Variants in ANKIB1 observed in about 807,000 individuals in gnomAD.
The protein encoded by ANKIB1 is ankyrin repeat and IBR domain containing 1, also known as ankyrin repeat and IBR domain-containing protein 1.
Under a neutral mutation model 122.1 loss-of-function variants are expected in ANKIB1, and 43 were observed. That is an observed-to-expected ratio of 0.35 (90% CI 0.28 to 0.45). The LOEUF (loss-of-function observed/expected upper bound fraction) is 0.45, where lower values mean the gene tolerates loss of function less well. Among genes scored for constraint, ANKIB1 ranks in the 20% least tolerant of loss-of-function variants. The probability of loss-of-function intolerance (pLI) is 1.00; values close to 1 mark genes in which losing one functional copy is unlikely to be tolerated. For missense variants in ANKIB1, 992 were observed against 1,329.5 expected (o/e 0.75, Z 3.95); for synonymous variants, 390 against 442.0 (o/e 0.88, Z 1.48).
intron 1 of ANKIB1, among the ~76,000 whole-genome samples, chr7:92,292,436 T>C (rs747396420): frequency 6.6e-6 from 1 of 152,166 alleles, no homozygotes; most frequent in Non-Finnish European, 1.5e-5. Context: ...TTCTTAGATA[T>C]TTCTTTTTTT....
chr7:92,386,709 ATTTCTT>A, intron 12 of ANKIB1, 66 bp downstream of exon 12: 3 of 1,346,396 alleles, frequency 2.2e-6, no homozygotes, highest in Non-Finnish European at 2.9e-6. Flanking sequence ...ATTATTTTGT[ATTTCTT>A]TTTCTATTTT....
At chr7:92,276,087 C>A (rs1300022025) in intron 1 of ANKIB1, among the ~76,000 whole-genome samples, 2 of 152,068 alleles carry the variant, frequency 1.3e-5, no homozygotes, top group African/African-American at 4.8e-5. Flanking sequence ...ATCTTTTTAG[C>A]TTGTTAAAAG....
intron 10 of ANKIB1, among the ~76,000 whole-genome samples, chr7:92,367,389 T>C (rs1299024423): frequency 6.6e-6 from 1 of 152,200 alleles, no homozygotes; most frequent in African/African-American, 2.4e-5. Flanking sequence ...CCAACTATAA[T>C]ACTAAAGTAG....
intron 3 of ANKIB1, among the ~76,000 whole-genome samples, chr7:92,313,357 G>A (rs1802730721): frequency 6.6e-6 from 1 of 152,172 alleles, no homozygotes; most frequent in African/African-American, 2.4e-5. Flanking sequence ...AGGTCAGACT[G>A]AAGAATATTA....
chr7:92,314,658 C>T (rs1585102968), intron 3 of ANKIB1, among the ~76,000 whole-genome samples: 1 of 152,226 alleles, frequency 6.6e-6, no homozygotes, highest in Admixed American at 6.5e-5. Context: ...CTCTTACAGT[C>T]CCCTCTCCAT....
At chr7:92,285,507 A>G (rs551653574) in intron 1 of ANKIB1, among the ~76,000 whole-genome samples, 1 of 152,372 alleles carries the variant, frequency 6.6e-6, no homozygotes, top group African/African-American at 2.4e-5. Context: ...TATGTGCACT[A>G]TCAAATTTAA....
At position 92,319,487 on chromosome 7, in the gene ANKIB1, A is replaced by AAT; in HGVS notation, c.647_648dup (p.Ala217MetfsTer4). On this transcript the variant is annotated frameshift_variant, in exon 4 of 20. Coordinates refer to ENST00000265742, the MANE Select transcript of ANKIB1 (RefSeq NM_019004.2). LOFTEE classifies it high-confidence loss of function. ...CCCGAGGCTGAAGAAATAGAAGCTG[A>AAT]ATATGCTGCATTAGACAAACGAGAG... 1 of 1,611,646 alleles carries AAT rather than the reference A, an allele frequency of 6.2e-7. No individual in the cohort carries two copies. The highest frequency in any genetic ancestry group is 8.5e-7 in the Non-Finnish European group (1 of 1,179,292).
At chr7:92,395,211 T>C (rs941297980) in intron 17 of ANKIB1, among the ~76,000 whole-genome samples, 2 of 152,172 alleles carry the variant, frequency 1.3e-5, no homozygotes, top group Non-Finnish European at 1.5e-5. Context: ...GATAACAAAC[T>C]AACTTTAAAC....
At chr7:92,318,919 TTAG>T (rs1802848983) in intron 3 of ANKIB1, among the ~76,000 whole-genome samples, 1 of 152,206 alleles carries the variant, frequency 6.6e-6, no homozygotes, top group African/African-American at 2.4e-5. Flanking sequence ...CATCCAGACT[TTAG>T]TAGTTAAATT....
chr7:92,343,126 A>C lies in ANKIB1; in HGVS notation c.890A>C (p.Asn297Thr), dbSNP rs991054022. ...CCAACTCCACCACCAAGTGGGTATA[A>C]TGCCTGGGACACGCTCCCATCTCCA... ...QMPTPPPSGYNAWDTLPSPRT... is the reference protein window; with the variant it reads ...QMPTPPPSGYTAWDTLPSPRT... Residue 297 changes from asparagine to threonine, a missense_variant, in exon 6 of 20, where the codon AAT (asparagine) becomes ACT (threonine). By Grantham distance (65) the Asn-to-Thr change is moderately conservative. Transcript: ENST00000265742. 1 of 1,613,820 alleles carries C rather than the reference A, an allele frequency of 6.2e-7. No homozygotes were observed. Among genetic ancestry groups the C allele is most frequent in the Non-Finnish European group, 8.5e-7 (1 of 1,179,868 alleles).
At position 92,252,387 on chromosome 7, in the gene ANKIB1, T is replaced by A. The variant is rs1207674919; in HGVS notation, c.-91+5868T>A. On this transcript the variant is annotated intron_variant, in intron 1 of 19. Coordinates refer to ENST00000265742, the MANE Select transcript of ANKIB1 (RefSeq NM_019004.2). ...TTGGTATTATGTCATAAGGTACTAC[T>A]TTTTTTTTTTTTTTTTTGAGACAGA... Among the ~76,000 whole-genome samples the A allele has an allele frequency of 3.0e-5, 3 of 99,892 alleles. No individual in the cohort carries two copies. The South Asian group carries it at 1.0e-3, about 35-fold the overall frequency. The allele number at this position is 99,892 out of a possible 152,430, so 65.5% of individuals were successfully genotyped here.
chr7:92,248,239 A>G (rs914603815), intron 1 of ANKIB1, among the ~76,000 whole-genome samples: 1 of 152,000 alleles, frequency 6.6e-6, no homozygotes. Context: ...CTTGACCACT[A>G]CACCGAGAAT....
Position 92,398,235 on chromosome 7 carries a change from C to T in ANKIB1, c.2556C>T (p.Asp852=), listed in dbSNP as rs543036788. 1.4e-5 allele frequency: 23 copies of T among 1,595,760 alleles called. No homozygotes were observed. Among genetic ancestry groups the T allele is most frequent in the South Asian group, 9.1e-5 (8 of 88,054 alleles). ...SLQALSSLDE[D]DPNILLAIQL... is the part of the protein sequence containing the mutation. Reference sequence around the variant, plus strand: ...AGGCTCTGAGTTCCTTGGATGAAGACGATCCCAATATACTTCTTGCAATAC... The same window carrying T: ...AGGCTCTGAGTTCCTTGGATGAAGATGATCCCAATATACTTCTTGCAATAC... The change falls in exon 20 of 20, where the codon GAC becomes GAT. Residue 852 remains aspartate (D), a synonymous_variant. Transcript: ENST00000265742.
chr7:92,267,331 C>G (rs887506598), intron 1 of ANKIB1, among the ~76,000 whole-genome samples: 5 of 152,174 alleles, frequency 3.3e-5, no homozygotes, highest in African/African-American at 9.6e-5. Flanking sequence ...GCATCCAGAT[C>G]TAGATATAGA....
chr7:92,259,577 CT>C (rs1801518270), intron 1 of ANKIB1, among the ~76,000 whole-genome samples: 2 of 152,214 alleles, frequency 1.3e-5, no homozygotes, highest in South Asian at 4.1e-4. Context: ...TTTTTGTAAA[CT>C]TTTTATACAG....
chr7:92,315,914 G>C (rs546327308), intron 3 of ANKIB1, among the ~76,000 whole-genome samples: 1 of 152,226 alleles, frequency 6.6e-6, no homozygotes, highest in East Asian at 1.9e-4. Flanking sequence ...GCAGGATTAA[G>C]TTATAATCCT....
rs542481284 is a variant in ANKIB1, at chr7:92,320,656, T to G, written c.669+1144T>G. Among the ~76,000 whole-genome samples, 114 of 152,288 alleles carry G rather than the reference T, an allele frequency of 7.5e-4. 3 individuals carry two copies. The South Asian group carries it at 0.023, about 31-fold the overall frequency. ...CTCCAAAAATACAACCTAAATTCATTTGTTCTTCCTAACCTGTACTCCTAC... is the reference window on the plus strand; with the variant it reads ...CTCCAAAAATACAACCTAAATTCATGTGTTCTTCCTAACCTGTACTCCTAC... On this transcript the variant is annotated intron_variant, in intron 4 of 19. Coordinates refer to ENST00000265742, the MANE Select transcript of ANKIB1 (RefSeq NM_019004.2).
intron 5 of ANKIB1, among the ~76,000 whole-genome samples, chr7:92,339,192 C>T (rs1803381133): frequency 6.7e-6 from 1 of 150,292 alleles, no homozygotes; most frequent in Non-Finnish European, 1.5e-5. Context: ...CAGGCACCTG[C>T]CACCACGCCT....
At chr7:92,318,482 G>A (rs557726847) in intron 3 of ANKIB1, among the ~76,000 whole-genome samples, 1 of 152,150 alleles carries the variant, frequency 6.6e-6, no homozygotes, top group Non-Finnish European at 1.5e-5. Flanking sequence ...ACTCCAGTCT[G>A]GGTGACAGAT....
Sources: allele counts gnomAD v4.1 joint callset (sites outside exome capture counted in the v4.1 genomes callset), GRCh38; gene constraint gnomAD v4.1.1; transcripts MANE v1.5; gene names NCBI Gene and HGNC (gene_info 2026-07-23, HGNC 2026-07-21).